Variants in LTN1 observed in about 807,000 individuals in gnomAD.
The protein encoded by LTN1 is listerin E3 ubiquitin protein ligase 1, also known as E3 ubiquitin-protein ligase listerin.
Under a neutral mutation model 201.2 loss-of-function variants are expected in LTN1, and 88 were observed. The observed-to-expected ratio is 0.44, with a 90% CI of 0.37 to 0.52. The LOEUF (loss-of-function observed/expected upper bound fraction) is 0.52. LTN1 is among the 20% of genes least tolerant of loss of function. The probability of loss-of-function intolerance (pLI) is 0.00; values close to 1 mark genes in which losing one functional copy is unlikely to be tolerated. For missense variants in LTN1, 1,752 were observed against 2,038.7 expected (o/e 0.86, Z 2.71); for synonymous variants, 645 against 713.5 (o/e 0.90, Z 1.53).
Position 28,936,713 on chromosome 21 carries a change from G to T in LTN1, c.4483-16C>A. 2 of 1,590,876 alleles carry T rather than the reference G, an allele frequency of 1.3e-6. No individual in the cohort carries two copies. The highest frequency in any genetic ancestry group is 1.3e-5 in the African/African-American group (1 of 74,480). The stretch of plus-strand genomic sequence containing the variant: ...AAGCCCGAAGCTGGTGGAGAGCAAA[G>T]AATTTGTTAGTAAACCAAATACACC... On this transcript the variant is annotated splice_polypyrimidine_tract_variant and intron_variant, in intron 25 of 29. Coordinates refer to ENST00000361371, the MANE Select transcript of LTN1 (RefSeq NM_015565.3).
chr21:28,934,752 C>T (rs1431864264), intron 27 of LTN1, among the ~76,000 whole-genome samples: 3 of 152,068 alleles, frequency 2.0e-5, no homozygotes, highest in South Asian at 2.1e-4. Flanking sequence ...CCACTGCACC[C>T]GGCCTAAACC....
In LTN1 at chr21:28,986,761, A is replaced by C. The variant is rs1418249960; in HGVS notation, c.216T>G (p.Leu72=). Reference sequence around the variant, plus strand: ...ATTTTGTGGTGACATCTTTCTTTGAAAGTTTCCGCAGCACCATTCGGAAAT... The same window carrying C: ...ATTTTGTGGTGACATCTTTCTTTGACAGTTTCCGCAGCACCATTCGGAAAT... ...DSDFRMVLRK[L]SKKDVTTKLK... is the part of the protein sequence containing the mutation. Residue 72 remains leucine (L), a synonymous_variant, in exon 2 of 30, where the codon CTT becomes CTG. Transcript: ENST00000361371. This position sits in a 1 kb window ranked among gnomAD's most constrained non-coding sequence, Gnocchi z 4.1. The C allele has an allele frequency of 6.2e-7, 1 of 1,612,836 alleles. No homozygotes were observed. The highest frequency in any genetic ancestry group is 8.5e-7 in the Non-Finnish European group (1 of 1,179,702).
In LTN1 at chr21:28,966,555, G is replaced by A; in HGVS notation, c.1936C>T (p.Pro646Ser). ...TGTACAAGCTTGGCTATTTCAAGAG[G>A]TTTGGCTTGGACAATACTCTGTTTT... ...DEKQSIVQAK[P>S]LEIAKLVQKN... Residue 646 changes from proline (P) to serine (S), a missense_variant, in exon 10 of 30, where the codon CCT (proline) becomes TCT (serine). This residue lies in a region of LTN1 where 1,211 missense variants were observed against 1,312.8 expected (regional missense o/e 0.92). Coordinates refer to ENST00000361371, the MANE Select transcript of LTN1 (RefSeq NM_015565.3). The A allele has an allele frequency of 5.6e-6, 9 of 1,614,088 alleles. No homozygotes were observed. In the African/African-American group the frequency reaches 6.7e-5, roughly 12 times the overall value.
At chr21:28,962,094 A>T (rs987284357) in intron 11 of LTN1, among the ~76,000 whole-genome samples, 1 of 152,228 alleles carries the variant, frequency 6.6e-6, no homozygotes, top group Non-Finnish European at 1.5e-5. Context: ...TAGAGTTTAG[A>T]TGGCTGTGAT....
chr21:28,947,656 T>C, intron 18 of LTN1, 50 bp from the exon 19 acceptor site: 2 of 1,149,602 alleles, frequency 1.7e-6, no homozygotes, highest in Non-Finnish European at 2.4e-6. Context: ...AAACATACAG[T>C]TATTTTATAT....
At chr21:28,945,655 G>C (rs776866333) in intron 21 of LTN1, 152 bp downstream of exon 21, 97 of 598,858 alleles carry the variant, frequency 1.6e-4, no homozygotes, top group Non-Finnish European at 2.4e-4. Context: ...CTGTCAAATA[G>C]TAGCTGGTAA....
chr21:28,954,090 C>T (rs2084405504), intron 16 of LTN1, among the ~76,000 whole-genome samples: 1 of 152,142 alleles, frequency 6.6e-6, no homozygotes, highest in African/African-American at 2.4e-5. Flanking sequence ...ACAATAATAT[C>T]TGACTAATGA....
intron 6 of LTN1, among the ~76,000 whole-genome samples, chr21:28,977,289 G>A (rs192078488): frequency 2.4e-4 from 36 of 151,110 alleles, no homozygotes; most frequent in Admixed American, 9.2e-4. Flanking sequence ...CAGGAGAATC[G>A]CTTGAACCCA....
At chr21:28,936,744 A>T (rs1257666543) in intron 25 of LTN1, 47 bp from the exon 26 acceptor site, 10 of 1,437,702 alleles carry the variant, frequency 7.0e-6, no homozygotes, top group Non-Finnish European at 9.6e-6. Context: ...ACACCAAGAC[A>T]ATTGGTATAA....
Position 28,930,403 on chromosome 21 carries a change from C to T in LTN1, c.*45G>A. 6.9e-7 allele frequency: 1 copy of T among 1,452,948 alleles called. No homozygotes were observed. Among genetic ancestry groups the T allele is most frequent in the Non-Finnish European group, 9.6e-7 (1 of 1,038,640 alleles). 90.0% of individuals were successfully genotyped at this position (1,452,948 alleles called of 1,614,324 possible). ...CTTTCAGACGGATCCAAATCCAATG[C>T]CTTTGTTTGATGTACTTCAGGGATC... On this transcript the variant is annotated 3_prime_UTR_variant, in exon 30 of 30. Transcript: ENST00000361371.
intron 4 of LTN1, among the ~76,000 whole-genome samples, chr21:28,982,853 ATAAC>A (rs1219871260): frequency 7.9e-5 from 12 of 152,242 alleles, no homozygotes; most frequent in Non-Finnish European, 1.5e-5. Flanking sequence ...AGCAATAACA[ATAAC>A]TAACACTTAT....
chr21:28,951,970 A>G (rs1418723604), intron 18 of LTN1, among the ~76,000 whole-genome samples, 190 bp downstream of exon 18: 1 of 152,170 alleles, frequency 6.6e-6, no homozygotes, highest in Non-Finnish European at 1.5e-5. Flanking sequence ...ACCCTGTCTC[A>G]AAATAAATAA....
intron 11 of LTN1, among the ~76,000 whole-genome samples, chr21:28,963,007 A>T (rs1403753811): frequency 6.6e-6 from 1 of 152,208 alleles, no homozygotes; most frequent in African/African-American, 2.4e-5. Context: ...AGAGGTGAGG[A>T]AGCTGCACAA....
Position 28,960,567 on chromosome 21 carries a change from G to A in LTN1, c.2303C>T (p.Ser768Leu), listed in dbSNP as rs776224220. The change falls in exon 12 of 30, where the codon TCA (serine) becomes TTA (leucine). Residue 768 changes from serine to leucine, a missense_variant. This residue lies in a region of LTN1 where 1,211 missense variants were observed against 1,312.8 expected (regional missense o/e 0.92). Transcript: ENST00000361371. ...CAAGCTTAGAAGAGTCCATCTTTCT[G>A]AGAAGTGAGATTCTGAAGATACCCT... ...ESRVSSESHF[S>L]ERWTLLSLVL... 2.5e-6 allele frequency: 4 copies of A among 1,613,866 alleles called. No individual in the cohort carries two copies. Among genetic ancestry groups the A allele is most frequent in the Middle Eastern group, 3.3e-4 (2 of 6,060 alleles).
chr21:28,952,956 C>T (rs898252568), intron 17 of LTN1, among the ~76,000 whole-genome samples: 5 of 152,174 alleles, frequency 3.3e-5, no homozygotes, highest in African/African-American at 1.2e-4. Flanking sequence ...ACAACTTCTA[C>T]AAGCTTCTAC....
chr21:28,936,591 G>A lies in LTN1; in HGVS notation c.4589C>T (p.Ala1530Val), dbSNP rs373391859. 3 of 1,613,572 alleles carry A rather than the reference G, an allele frequency of 1.9e-6. No individual in the cohort carries two copies. The African/African-American group carries it at 4.0e-5, about 22-fold the overall frequency. ...MPENPTYAET[A>V]VEVPNKDPKT... The stretch of plus-strand genomic sequence containing the variant: ...AGGGTCCTTATTTGGGACCTCAACT[G>A]CTGTCTCTGCATAGGTTGGATTTTC... Residue 1530 changes from alanine to valine, a missense_variant, in exon 26 of 30, where the codon GCA becomes GTA. Ala to Val is a moderately conservative substitution (Grantham distance 64). This residue lies in a region of LTN1 where 261 missense variants were observed against 350.1 expected (regional missense o/e 0.75). Transcript: ENST00000361371.
chr21:28,986,799 G>A lies in LTN1; in HGVS notation c.178C>T (p.Leu60Phe). Residue 60 changes from leucine to phenylalanine, a missense_variant, in exon 2 of 30, where the codon CTT (leucine) becomes TTT (phenylalanine). This residue lies in a region of LTN1 where 280 missense variants were observed against 375.7 expected (regional missense o/e 0.75). Transcript: ENST00000361371. The surrounding 1 kb of genome is among the most constrained non-coding windows in gnomAD (Gnocchi z 4.1). ...AIQGAEEIDS[L>F]VDSDFRMVLR... The stretch of plus-strand genomic sequence containing the variant: ...ACCATTCGGAAATCAGAATCTACAA[G>A]ACTGTCAATTTCTTCAGCTCCTTGA... The A allele has an allele frequency of 6.2e-7, 1 of 1,613,984 alleles. No individual in the cohort carries two copies. Among genetic ancestry groups the A allele is most frequent in the Non-Finnish European group, 8.5e-7 (1 of 1,179,890 alleles).
chr21:28,931,099 G>C, intron 29 of LTN1, 56 bp downstream of exon 29: 1 of 927,624 alleles, frequency 1.1e-6, no homozygotes, highest in Middle Eastern at 2.3e-4. Context: ...GTGTGTGTGT[G>C]TTTATGTGTA....
At chr21:28,992,693 A>T (rs2084757159) in intron 1 of LTN1, 71 bp downstream of exon 1, 5 of 1,575,868 alleles carry the variant, frequency 3.2e-6, no homozygotes, top group Non-Finnish European at 4.3e-6. Context: ...CACACCCTCC[A>T]GCAACGCGCT....
Sources: allele counts gnomAD v4.1 joint callset (sites outside exome capture counted in the v4.1 genomes callset), GRCh38; gene constraint gnomAD v4.1.1; regional missense constraint gnomAD v4.1.1; non-coding constraint Gnocchi (gnomAD v3.1); transcripts MANE v1.5; gene names NCBI Gene and HGNC (gene_info 2026-07-23, HGNC 2026-07-21).